Variants in KIFAP3 observed in about 807,000 individuals in gnomAD.
KIFAP3 encodes the protein kinesin associated protein 3, also known as kinesin-associated protein 3.
In KIFAP3, 68 loss-of-function variants were observed where a neutral mutation model predicts 106.5. The observed-to-expected ratio is 0.64, with a 90% CI of 0.53 to 0.78. KIFAP3 has a LOEUF of 0.78. KIFAP3 is among the 30% of genes least tolerant of loss of function. The pLI is 0.00. For missense variants in KIFAP3, 780 were observed against 941.8 expected, an observed-to-expected ratio of 0.83 and a Z score of 2.25; for synonymous variants, 320 against 311.5, an observed-to-expected ratio of 1.03 and a Z score of -0.29.
chr1:169,952,707 T>C (rs1020820731), intron 19 of KIFAP3, among the ~76,000 whole-genome samples: 2 of 152,118 alleles, frequency 1.3e-5, no homozygotes, highest in African/African-American at 2.4e-5. Flanking sequence ...TTAGTTAACC[T>C]TGAATTTTTA....
intron 19 of KIFAP3, among the ~76,000 whole-genome samples, chr1:169,928,699 C>CAAAAAAAAAAAAA (rs10690029): frequency 2.6e-4 from 10 of 37,780 alleles, no homozygotes; most frequent in East Asian, 1.8e-3. Context: ...ACCCTGTCTC[C>CAAAAAAAAAAAAA]AAAAAAAAAA....
At chr1:170,056,978 G>C (rs1364229696) in intron 1 of KIFAP3, among the ~76,000 whole-genome samples, 1 of 152,002 alleles carries the variant, frequency 6.6e-6, no homozygotes. Context: ...CAGATAATAT[G>C]TACAAAAGCT....
At chr1:170,038,482 T>C (rs1469029537) in intron 4 of KIFAP3, 51 bp from the exon 5 acceptor site, 4 of 1,551,436 alleles carry the variant, frequency 2.6e-6, no homozygotes, top group East Asian at 2.3e-5. Context: ...ACAGATCCAC[T>C]GTCAAAGAAA....
At chr1:170,061,547 AG>A (rs1671155884) in intron 1 of KIFAP3, among the ~76,000 whole-genome samples, 1 of 152,200 alleles carries the variant, frequency 6.6e-6, no homozygotes, top group African/African-American at 2.4e-5. Flanking sequence ...AAATAGGAAC[AG>A]TTTTACACTG....
intron 16 of KIFAP3, among the ~76,000 whole-genome samples, chr1:169,977,738 G>A (rs1455981975): frequency 1.3e-5 from 2 of 151,926 alleles, no homozygotes; most frequent in Non-Finnish European, 2.9e-5. Flanking sequence ...AAATAGATGT[G>A]GTTTCCCAAG....
At chr1:170,007,526 C>T (rs548733286) in intron 10 of KIFAP3, among the ~76,000 whole-genome samples, 21 of 152,042 alleles carry the variant, frequency 1.4e-4, no homozygotes, top group Admixed American at 8.5e-4. Flanking sequence ...ACAATTGCTA[C>T]GAAGAGAATA....
intron 10 of KIFAP3, among the ~76,000 whole-genome samples, chr1:170,006,744 C>A (rs780178873): frequency 1.3e-5 from 2 of 152,108 alleles, no homozygotes; most frequent in Non-Finnish European, 2.9e-5. Flanking sequence ...AGATCGGGAG[C>A]TTAATTTTGA....
chr1:169,958,951 T>C (rs1447160932), intron 18 of KIFAP3, among the ~76,000 whole-genome samples: 1 of 152,180 alleles, frequency 6.6e-6, no homozygotes, highest in Non-Finnish European at 1.5e-5. Flanking sequence ...GAGAATCATA[T>C]ACATTTGACT....
At chr1:170,007,209 T>A (rs893432239) in intron 10 of KIFAP3, among the ~76,000 whole-genome samples, 15 of 150,584 alleles carry the variant, frequency 1.0e-4, no homozygotes, top group African/African-American at 3.7e-4. Context: ...AGGTGAAGGG[T>A]GGGAGTGACA....
At chr1:170,027,014 C>CTTTT (rs71125222) in intron 8 of KIFAP3, among the ~76,000 whole-genome samples, 4 of 64,372 alleles carry the variant, frequency 6.2e-5, no homozygotes, top group African/African-American at 1.8e-4. Context: ...TGTCTTGCTT[C>CTTTT]TTTTTTTTTT....
intron 17 of KIFAP3, among the ~76,000 whole-genome samples, chr1:169,963,951 T>C (rs1018608250): frequency 6.6e-6 from 1 of 152,204 alleles, no homozygotes; most frequent in Non-Finnish European, 1.5e-5. Flanking sequence ...GTTTTAATAA[T>C]TGAAGATATT....
In KIFAP3 at chr1:169,961,073, C is replaced by T. The variant is rs200944427; in HGVS notation, c.2146G>A (p.Glu716Lys). The change falls in exon 18 of 20, where the codon GAA becomes AAA. Residue 716 changes from glutamate (E) to lysine (K), a missense_variant. Physicochemically the swap from Glu to Lys is moderately conservative, Grantham distance 56. Around this residue, in one of 3 missense-constraint regions of KIFAP3, gnomAD observed 114 missense variants for 122.3 expected, o/e 0.93. Transcript: ENST00000361580. ...EPYIHEGDIL[E>K]RPDLFYNSDG... is the part of the protein sequence containing the mutation. ...GAGTTGTAGAAAAGGTCAGGTCTTT[C>T]GAGAATATCTCCTTCATGAATGTAT... 1,019 of 1,612,336 alleles carry T rather than the reference C, an allele frequency of 6.3e-4. 9 individuals are homozygous for T. The highest frequency in any genetic ancestry group is 2.0e-4 in the East Asian group (9 of 44,800).
Position 170,081,809 on chromosome 1 carries a change from G to C in KIFAP3, n.174+3226C>G, listed in dbSNP as rs190145079. Among the ~76,000 whole-genome samples, 180 of 152,134 alleles carry C rather than the reference G, an allele frequency of 1.2e-3. 1 individual carries two copies. The highest frequency in any genetic ancestry group is 3.9e-3 in the African/African-American group (163 of 41,512). On this transcript the variant is annotated intron_variant and non_coding_transcript_variant, in intron 1 of 5. Transcript: ENST00000490550. ...CTATCAAGTTCCTTTTGCCATGTAG[G>C]TAATATATTTACAGGTTCCAGAGAT...
At chr1:170,026,392 T>C (rs563983782) in intron 8 of KIFAP3, among the ~76,000 whole-genome samples, 7 of 152,108 alleles carry the variant, frequency 4.6e-5, no homozygotes, top group Non-Finnish European at 1.0e-4. Flanking sequence ...ATTTTCACAA[T>C]AGTGGACACC....
chr1:169,976,258 T>C (rs778687438), intron 16 of KIFAP3, among the ~76,000 whole-genome samples: 12 of 152,314 alleles, frequency 7.9e-5, no homozygotes, highest in Non-Finnish European at 1.6e-4. Flanking sequence ...TTTACTGTTT[T>C]CTGTAGTGGC....
chr1:170,049,441 G>A (rs1162774815), intron 2 of KIFAP3, among the ~76,000 whole-genome samples: 2 of 152,190 alleles, frequency 1.3e-5, no homozygotes, highest in Non-Finnish European at 2.9e-5. Context: ...GAGAGCAGCT[G>A]ATCCTGACAA....
intron 11 of KIFAP3, among the ~76,000 whole-genome samples, chr1:169,988,635 C>T (rs1666955015): frequency 6.6e-6 from 1 of 151,896 alleles, no homozygotes; most frequent in African/African-American, 2.4e-5. Flanking sequence ...GTAGCCAATA[C>T]CTCTAAAGGA....
At chr1:170,065,028 G>A (rs1414408105) in intron 1 of KIFAP3, among the ~76,000 whole-genome samples, 1 of 151,994 alleles carries the variant, frequency 6.6e-6, no homozygotes, top group Non-Finnish European at 1.5e-5. Flanking sequence ...AGACTTCTTG[G>A]AAGAGTTGTA....
intron 19 of KIFAP3, among the ~76,000 whole-genome samples, chr1:169,933,627 A>G (rs1388265398): frequency 6.6e-6 from 1 of 152,070 alleles, no homozygotes; most frequent in Admixed American, 6.6e-5. Flanking sequence ...ATATATGACA[A>G]TTGTTTATCT....
Sources: allele counts gnomAD v4.1 joint callset (sites outside exome capture counted in the v4.1 genomes callset), GRCh38; gene constraint gnomAD v4.1.1; regional missense constraint gnomAD v4.1.1; transcripts MANE v1.5; gene names NCBI Gene and HGNC (gene_info 2026-07-23, HGNC 2026-07-21).